Variants in PTPRN2 observed in about 807,000 individuals in gnomAD.
PTPRN2 encodes receptor-type tyrosine-protein phosphatase N2.
In PTPRN2, 74 loss-of-function variants were observed where a neutral mutation model predicts 118.8. That is an observed-to-expected ratio of 0.62 (90% confidence interval 0.52 to 0.76). The LOEUF is 0.76. Ranked by LOEUF, PTPRN2 falls within the 30% of genes least tolerant of loss-of-function variation. The pLI is 0.00. For missense variants in PTPRN2, 1,481 were observed against 1,394.4 expected, an observed-to-expected ratio of 1.06 and a Z score of -0.99; for synonymous variants, 641 against 608.0, an observed-to-expected ratio of 1.05 and a Z score of -0.80.
rs139592375 is a variant in PTPRN2 at position 158,140,093 on chromosome 7, C to G, written c.911-1578G>C. On this transcript the variant is annotated intron_variant, in intron 6 of 22. Coordinates refer to ENST00000389418, the MANE Select transcript of PTPRN2 (RefSeq NM_002847.5). ...TAAACAAGAAAGACCGTCTTCTTTT[C>G]TCCTCTTACTTTATCTAAAAAACAA... Among the ~76,000 whole-genome samples, 3 of 152,288 alleles carry G rather than the reference C, an allele frequency of 2.0e-5. No individual in the cohort carries two copies. In the East Asian group the frequency reaches 5.8e-4, roughly 29 times the overall value.
intron 14 of PTPRN2, among the ~76,000 whole-genome samples, chr7:157,654,802 G>T (rs549454309): frequency 6.6e-6 from 1 of 152,190 alleles, no homozygotes; most frequent in African/African-American, 2.4e-5. Context: ...TGTTACTCAA[G>T]CACCTTGAAA....
chr7:158,329,075 CCTGGGATGGCAAATCCAGCGGCGCACAG>C (rs1803905394), intron 2 of PTPRN2, among the ~76,000 whole-genome samples: 1 of 152,206 alleles, frequency 6.6e-6, no homozygotes, highest in South Asian at 2.1e-4. Flanking sequence ...CCCAGTGAGG[CCTGGGATGGCAAATCCAGCGGCGCACAG>C]CCCACTGCAC....
intron 12 of PTPRN2, among the ~76,000 whole-genome samples, chr7:157,737,523 G>A (rs190362392): frequency 2.3e-4 from 35 of 152,366 alleles, no homozygotes; most frequent in Middle Eastern, 6.8e-3. Context: ...GGAGGGCTGA[G>A]CTTCCCTGGT....
chr7:157,907,195 G>A (rs1008875663), intron 11 of PTPRN2, among the ~76,000 whole-genome samples: 7 of 152,214 alleles, frequency 4.6e-5, no homozygotes, highest in Admixed American at 2.0e-4. Context: ...AGTGTGGCCC[G>A]AGGGTGAGAA....
rs545960401 is a variant in PTPRN2 at position 158,152,098 on chromosome 7, C to A, written c.911-13583G>T. Among the ~76,000 whole-genome samples, 8 of 135,998 alleles carry A rather than the reference C, an allele frequency of 5.9e-5. No homozygotes were observed. In the South Asian group the frequency reaches 2.0e-3, roughly 34 times the overall value. The allele number at this position is 135,998 out of a possible 152,430, so 89.2% of individuals were successfully genotyped here. A position where few individuals can be genotyped will look rare whatever the true frequency, so the allele number is the denominator to read the frequency against. On this transcript the variant is annotated intron_variant, in intron 6 of 22. Coordinates refer to ENST00000389418, the MANE Select transcript of PTPRN2 (RefSeq NM_002847.5). ...CTGAGGCAGGAGAATGGTGTGAACCCGGGAGGCGGAGCTTGCAGTGAGCCG... is the reference window on the plus strand; with the variant it reads ...CTGAGGCAGGAGAATGGTGTGAACCAGGGAGGCGGAGCTTGCAGTGAGCCG...
At position 157,801,509 on chromosome 7, in the gene PTPRN2, A is replaced by G. The variant is rs1352052379; in HGVS notation, c.1788+97164T>C. Among the ~76,000 whole-genome samples, 2 of 152,166 alleles carry G rather than the reference A, an allele frequency of 1.3e-5. No homozygotes were observed. Among genetic ancestry groups the G allele is most frequent in the Non-Finnish European group, 2.9e-5 (2 of 68,024 alleles). On this transcript the variant is annotated intron_variant, in intron 12 of 22. Transcript: ENST00000389418. The surrounding 1 kb of genome is among the most constrained non-coding windows in gnomAD (Gnocchi z 4.2). ...GTCAAATTCCATATGAAACAGCACA[A>G]ATCCCCATTTCTGCCCCACTGGGTT...
At chr7:158,163,403 C>T (rs753246740) in intron 6 of PTPRN2, among the ~76,000 whole-genome samples, 2 of 148,510 alleles carry the variant, frequency 1.3e-5, no homozygotes, top group Non-Finnish European at 3.0e-5. Context: ...GATGCCTGCA[C>T]GGGGTTCTCA....
rs117873201 is a variant in PTPRN2, at chr7:158,478,100, G to A, written c.163+11635C>T. On this transcript the variant is annotated intron_variant, in intron 2 of 22. Transcript: ENST00000389418. Reference sequence around the variant, plus strand: ...GCAGGCCATGCTGCAGAGTCACCACGGAGCGTGGGACAGGCACGGCGGCAA... The same window carrying A: ...GCAGGCCATGCTGCAGAGTCACCACAGAGCGTGGGACAGGCACGGCGGCAA... Among the ~76,000 whole-genome samples the A allele has an allele frequency of 1.2e-4, 19 of 152,362 alleles. No individual in the cohort carries two copies. In the East Asian group the frequency reaches 2.9e-3, roughly 23 times the overall value.
At chr7:158,358,195 G>A (rs764143388) in intron 2 of PTPRN2, among the ~76,000 whole-genome samples, 1 of 152,178 alleles carries the variant, frequency 6.6e-6, no homozygotes, top group South Asian at 2.1e-4. Flanking sequence ...ACCAACCACA[G>A]GGAGACCTGA....
chr7:158,412,874 C>T (rs1197970268), intron 2 of PTPRN2, among the ~76,000 whole-genome samples: 7 of 140,596 alleles, frequency 5.0e-5, no homozygotes, highest in Non-Finnish European at 9.2e-5. Flanking sequence ...CCCATCTCAG[C>T]ACCCTCCTCA....
At chr7:158,261,297 T>A (rs1274229853) in intron 3 of PTPRN2, among the ~76,000 whole-genome samples, 1 of 151,882 alleles carries the variant, frequency 6.6e-6, no homozygotes, top group Non-Finnish European at 1.5e-5. Context: ...CCAGGCCACA[T>A]GGAGCTTGGA....
intron 2 of PTPRN2, among the ~76,000 whole-genome samples, chr7:158,387,519 C>T: frequency 6.6e-6 from 1 of 152,302 alleles, no homozygotes; most frequent in Non-Finnish European, 1.5e-5. Flanking sequence ...TGTTGGAAAG[C>T]ACTCTCTGGG....
Position 157,874,945 on chromosome 7 carries a change from G to A in PTPRN2, c.1788+23728C>T, listed in dbSNP as rs964892028. Among the ~76,000 whole-genome samples the A allele has an allele frequency of 2.6e-5, 4 of 151,606 alleles. No individual in the cohort carries two copies. The highest frequency in any genetic ancestry group is 4.9e-5 in the African/African-American group (2 of 41,228). Reference sequence around the variant, plus strand: ...CATACACAGAGAAACACTTGTGCACGGAGACACACTTGTGCACATACACAG... The same window carrying A: ...CATACACAGAGAAACACTTGTGCACAGAGACACACTTGTGCACATACACAG... On this transcript the variant is annotated intron_variant, in intron 12 of 22. Coordinates refer to ENST00000389418, the MANE Select transcript of PTPRN2 (RefSeq NM_002847.5). This position sits in a 1 kb window ranked among gnomAD's most constrained non-coding sequence, Gnocchi z 5.8.
chr7:158,302,584 C>T (rs1047073070), intron 3 of PTPRN2, among the ~76,000 whole-genome samples: 1 of 152,248 alleles, frequency 6.6e-6, no homozygotes, highest in Non-Finnish European at 1.5e-5. Context: ...CACATTCAAC[C>T]TAGGGCATGT....
chr7:157,595,558 T>C (rs149309235), intron 16 of PTPRN2, among the ~76,000 whole-genome samples: 37 of 93,920 alleles, frequency 3.9e-4, no homozygotes, highest in African/African-American at 2.0e-3. Flanking sequence ...TTAGGAAGCC[T>C]GGAGGTTAGG....
chr7:158,126,792 C>A lies in PTPRN2; in HGVS notation c.1556+6885G>T, dbSNP rs145777258. ...TGAGCCGAGGAAGGGGCTGGGGGAA[C>A]CTGCAGGGCCAGGGCACTCACTGAG... On this transcript the variant is annotated intron_variant, in intron 9 of 22. Coordinates refer to ENST00000389418, the MANE Select transcript of PTPRN2 (RefSeq NM_002847.5). 6.2e-4 allele frequency among the ~76,000 whole-genome samples: 95 copies of A among 152,298 alleles called. 1 individual carries two copies. Among genetic ancestry groups the A allele is most frequent in the Middle Eastern group, 6.8e-3 (2 of 294 alleles).
chr7:157,574,059 G>C (rs1388484957), intron 19 of PTPRN2, among the ~76,000 whole-genome samples: 2 of 152,178 alleles, frequency 1.3e-5, no homozygotes, highest in Non-Finnish European at 2.9e-5. Flanking sequence ...GTTGACCCAA[G>C]ATGTAGACCA....
intron 3 of PTPRN2, among the ~76,000 whole-genome samples, chr7:158,272,086 C>A (rs1042631243): frequency 6.6e-6 from 1 of 152,208 alleles, no homozygotes; most frequent in African/African-American, 2.4e-5. Flanking sequence ...AATTTTAAAA[C>A]GATTTTTCCT....
chr7:157,607,097 G>A (rs1180965084), intron 15 of PTPRN2, among the ~76,000 whole-genome samples: 1 of 152,166 alleles, frequency 6.6e-6, no homozygotes, highest in African/African-American at 2.4e-5. Flanking sequence ...AAAATCCCAG[G>A]GACTCAATGG....
Sources: allele counts gnomAD v4.1 joint callset (sites outside exome capture counted in the v4.1 genomes callset), GRCh38; gene constraint gnomAD v4.1.1; non-coding constraint Gnocchi (gnomAD v3.1); transcripts MANE v1.5; gene names NCBI Gene and HGNC (gene_info 2026-07-23, HGNC 2026-07-21).